TENM2: variants seen among roughly 807,000 people sequenced by gnomAD.
TENM2 encodes teneurin-2.
TENM2 carries 52 observed loss-of-function variants against 245.2 expected under a neutral mutation model. The ratio of observed to expected loss-of-function variants is 0.21; its 90% CI spans 0.17 to 0.27. The LOEUF (loss-of-function observed/expected upper bound fraction) is 0.27. Ranked by LOEUF, TENM2 falls within the 10% of genes least tolerant of loss-of-function variation. The probability of loss-of-function intolerance (pLI) is 1.00; values close to 1 mark genes in which losing one functional copy is unlikely to be tolerated. For missense variants in TENM2, 3,046 were observed against 3,666.8 expected (o/e 0.83, Z 4.37); for synonymous variants, 1,363 against 1,438.9 (o/e 0.95, Z 1.19).
At chr5:167,190,787 T>A in the TENM2 span, among the ~76,000 whole-genome samples, 2 of 152,084 alleles carry the variant, frequency 1.3e-5, no homozygotes, top group Non-Finnish European at 2.9e-5. Flanking sequence ...TTCATGCCAA[T>A]CGGGACGTAC....
At chr5:167,308,293 ACAAGTCTCTGT>A (rs1755801834) in intron 1 of TENM2, among the ~76,000 whole-genome samples, 1 of 152,220 alleles carries the variant, frequency 6.6e-6, no homozygotes, top group Non-Finnish European at 1.5e-5. Context: ...CAAGTCTCAG[ACAAGTCTCTGT>A]GGGCCAGAGT....
the TENM2 span, among the ~76,000 whole-genome samples, chr5:167,247,410 C>T: frequency 3.3e-5 from 5 of 152,032 alleles, no homozygotes; most frequent in African/African-American, 1.2e-4. Flanking sequence ...TGTTTAATAT[C>T]GAAGCCTTTT....
chr5:167,595,419 T>C (rs777053865), intron 2 of TENM2, among the ~76,000 whole-genome samples: 59 of 152,174 alleles, frequency 3.9e-4, no homozygotes, highest in Non-Finnish European at 1.9e-4. Context: ...ATGGAGGAGA[T>C]GAAACTGACT....
chr5:167,719,657 A>G (rs926820042), intron 2 of TENM2, among the ~76,000 whole-genome samples: 1 of 152,260 alleles, frequency 6.6e-6, no homozygotes, highest in African/African-American at 2.4e-5. Context: ...AATAAAGTAC[A>G]TGCGAGAGAG....
chr5:166,984,522 G>A, the TENM2 span, among the ~76,000 whole-genome samples: 1 of 151,986 alleles, frequency 6.6e-6, no homozygotes, highest in African/African-American at 2.4e-5. Context: ...TTTGGCAGAG[G>A]TTAAAAAATC....
chr5:167,323,799 G>T (rs1756919711), intron 1 of TENM2, among the ~76,000 whole-genome samples: 1 of 152,158 alleles, frequency 6.6e-6, no homozygotes, highest in South Asian at 2.1e-4. Context: ...ACAGGAAAAT[G>T]ATAGGATTCA....
At chr5:167,136,449 TA>T in the TENM2 span, among the ~76,000 whole-genome samples, 2 of 152,132 alleles carry the variant, frequency 1.3e-5, no homozygotes, top group African/African-American at 4.8e-5. Context: ...GTGGAAGAAA[TA>T]ACAGGGGAAC....
intron 27 of TENM2, among the ~76,000 whole-genome samples, chr5:168,250,583 A>G (rs1320739625): frequency 6.6e-6 from 1 of 152,152 alleles, no homozygotes; most frequent in Non-Finnish European, 1.5e-5. Flanking sequence ...ATAAACAAAC[A>G]TCCTTAAAGA....
intron 2 of TENM2, among the ~76,000 whole-genome samples, chr5:167,618,506 G>A (rs1484279830): frequency 6.6e-6 from 1 of 152,100 alleles, no homozygotes. Flanking sequence ...AACTTCCAGA[G>A]TGACTCTAAT....
intron 5 of TENM2, among the ~76,000 whole-genome samples, chr5:168,005,407 T>TATAA (rs1784745391): frequency 6.6e-6 from 1 of 152,248 alleles, no homozygotes; most frequent in African/African-American, 2.4e-5. Flanking sequence ...CATGTCTGAA[T>TATAA]ACCTTGCTAA....
Position 167,711,658 on chromosome 5 carries a change from G to C in TENM2, c.503-164328G>C, listed in dbSNP as rs540714768. On this transcript the variant is annotated intron_variant, in intron 2 of 28. Transcript: ENST00000518659. ...TATCTGTAAAATTCAGCCAGGTACTGGTGCTTTTGCTCAATCATCTCTTTT... is the reference window on the plus strand; with the variant it reads ...TATCTGTAAAATTCAGCCAGGTACTCGTGCTTTTGCTCAATCATCTCTTTT... Among the ~76,000 whole-genome samples, 113 of 152,274 alleles carry C rather than the reference G, an allele frequency of 7.4e-4. 2 individuals are homozygous for C. The highest frequency in any genetic ancestry group is 2.6e-3 in the African/African-American group (110 of 41,558).
In TENM2 at chr5:167,443,537, T is replaced by C. The variant is rs1764984112; in HGVS notation, c.502+68064T>C. Among the ~76,000 whole-genome samples the C allele has an allele frequency of 2.0e-5, 3 of 152,190 alleles. No individual in the cohort carries two copies. In the South Asian group the frequency reaches 6.2e-4, roughly 31 times the overall value. ...CTTCATTTGAAAGTTTGATTGTTAA[T>C]AGCTATGTGAATTCTGTGCTTTTAT... On this transcript the variant is annotated intron_variant, in intron 2 of 28. Coordinates refer to ENST00000518659, the Ensembl canonical transcript of TENM2.
intron 6 of TENM2, among the ~76,000 whole-genome samples, chr5:168,058,703 A>C (rs1037246552): frequency 1.3e-5 from 2 of 152,184 alleles, no homozygotes; most frequent in Non-Finnish European, 2.9e-5. Flanking sequence ...TGTATATTGC[A>C]TGTGCCCACA....
At chr5:167,360,446 T>C (rs985933270) in intron 1 of TENM2, among the ~76,000 whole-genome samples, 1 of 152,200 alleles carries the variant, frequency 6.6e-6, no homozygotes, top group African/African-American at 2.4e-5. Flanking sequence ...TTGCCTTTGT[T>C]CTTCCGGCCC....
the TENM2 span, among the ~76,000 whole-genome samples, chr5:167,234,557 A>G: frequency 1.3e-5 from 2 of 152,336 alleles, no homozygotes; most frequent in African/African-American, 4.8e-5. Context: ...CTACTTGAAG[A>G]GGTCAACTTG....
chr5:168,194,990 C>T (rs138076083), intron 14 of TENM2, among the ~76,000 whole-genome samples, 186 bp from the exon 17 acceptor site: 40 of 152,230 alleles, frequency 2.6e-4, no homozygotes, highest in African/African-American at 4.6e-4. Context: ...AGCTCAGTGA[C>T]GGGAGATGCT....
intron 2 of TENM2, among the ~76,000 whole-genome samples, chr5:167,620,628 A>C (rs777090077): frequency 1.8e-4 from 27 of 148,242 alleles, no homozygotes; most frequent in Non-Finnish European, 2.8e-4. Flanking sequence ...ACATATATCA[A>C]TTCAGCTTTG....
intron 4 of TENM2, among the ~76,000 whole-genome samples, chr5:167,977,672 A>G (rs1034488302): frequency 6.6e-6 from 1 of 152,222 alleles, no homozygotes; most frequent in Non-Finnish European, 1.5e-5. Flanking sequence ...TTCAAAAACA[A>G]GCTCAGGATA....
intron 2 of TENM2, among the ~76,000 whole-genome samples, chr5:167,469,515 T>A (rs1286838667): frequency 1.3e-5 from 2 of 152,148 alleles, no homozygotes; most frequent in African/African-American, 4.8e-5. Context: ...CGACATTTTC[T>A]AGAATATTTG....
Sources: gnomAD v4.1 joint callset for allele counts (sites outside exome capture counted in the v4.1 genomes callset) on GRCh38, gnomAD v4.1.1 for gene constraint, MANE v1.5 for transcripts, NCBI Gene and HGNC (gene_info 2026-07-23, HGNC 2026-07-21) for gene names.